UBE4B: variants seen among roughly 807,000 people sequenced by gnomAD.
UBE4B encodes ubiquitin conjugation factor E4 B.
A neutral mutation model predicts 148.1 loss-of-function variants in UBE4B; 27 were observed. The observed-to-expected ratio is 0.18, with a 90% CI of 0.13 to 0.25. The LOEUF (loss-of-function observed/expected upper bound fraction) is 0.25. Ranked by LOEUF, UBE4B falls within the 10% of genes least tolerant of loss-of-function variation. UBE4B has a pLI of 1.00. For missense variants in UBE4B, 1,170 were observed against 1,662.4 expected (o/e 0.70, Z 5.15); for synonymous variants, 596 against 619.3 (o/e 0.96, Z 0.56).
At chr1:10,143,704 C>G (rs1250630733) in intron 17 of UBE4B, among the ~76,000 whole-genome samples, 1 of 152,126 alleles carries the variant, frequency 6.6e-6, no homozygotes, top group Non-Finnish European at 1.5e-5. Context: ...CAGTTGTAGA[C>G]GAAAGAATCC....
chr1:10,074,715 T>A (rs936841068), intron 2 of UBE4B, among the ~76,000 whole-genome samples: 3 of 152,232 alleles, frequency 2.0e-5, no homozygotes, highest in Admixed American at 1.3e-4. Flanking sequence ...CTGTATCTGT[T>A]CCTTCTTCAC....
Position 10,105,506 on chromosome 1 carries a change from T to G in UBE4B, c.581-10T>G. The G allele has an allele frequency of 6.2e-7, 1 of 1,613,726 alleles. No individual in the cohort carries two copies. Among genetic ancestry groups the G allele is most frequent in the Non-Finnish European group, 8.5e-7 (1 of 1,179,590 alleles). ...TGTGTAACCTGTTCTTTGTTCTGCC[T>G]TTCCAACAGTATTCTCCGATTTTAA... is the stretch of plus-strand genomic sequence containing the variant. On this transcript the variant is annotated splice_polypyrimidine_tract_variant and intron_variant, in intron 5 of 27. Transcript: ENST00000343090.
chr1:10,086,472 G>GT (rs1345336434), intron 2 of UBE4B, among the ~76,000 whole-genome samples: 5 of 152,118 alleles, frequency 3.3e-5, no homozygotes, highest in African/African-American at 1.2e-4. Context: ...GATAAATGAG[G>GT]TATGGGGGGA....
chr1:10,090,272 A>G (rs1489322697), intron 2 of UBE4B, among the ~76,000 whole-genome samples: 5 of 151,996 alleles, frequency 3.3e-5, no homozygotes, highest in Non-Finnish European at 7.4e-5. Flanking sequence ...GGCGCATACC[A>G]TCACGCTTGG....
intron 10 of UBE4B, 83 bp from the exon 11 acceptor site, chr1:10,126,711 C>A: frequency 8.5e-7 from 1 of 1,180,996 alleles, no homozygotes. Flanking sequence ...TTTGGACATT[C>A]AGTTCTAGCA....
rs373493148 is a variant in UBE4B at position 10,106,596 on chromosome 1, C to T, written c.1196+13C>T. 1.4e-4 allele frequency: 211 copies of T among 1,523,070 alleles called. No homozygotes were observed. Among genetic ancestry groups the T allele is most frequent in the Admixed American group, 4.7e-4 (22 of 46,628 alleles). 94.3% of individuals were successfully genotyped at this position (1,523,070 alleles called of 1,614,324 possible). A position where few individuals can be genotyped will look rare whatever the true frequency, so the allele number is the denominator to read the frequency against. Reference sequence around the variant, plus strand: ...GGATCTCTCCTAGGTATTTATCCCACAGGAGAGTTGCATGTGTGTTTGCGG... The same window carrying T: ...GGATCTCTCCTAGGTATTTATCCCATAGGAGAGTTGCATGTGTGTTTGCGG... On this transcript the variant is annotated intron_variant, in intron 7 of 27. Transcript: ENST00000343090. This position sits in a 1 kb window ranked among gnomAD's most constrained non-coding sequence, Gnocchi z 4.2.
At chr1:10,103,971 AG>A (rs1175712135) in intron 5 of UBE4B, among the ~76,000 whole-genome samples, 1 of 152,008 alleles carries the variant, frequency 6.6e-6, no homozygotes, top group African/African-American at 2.4e-5. Flanking sequence ...CATGTTGGCC[AG>A]GATGGTCTCG....
chr1:10,092,338 C>A (rs1644860529), intron 2 of UBE4B, among the ~76,000 whole-genome samples: 1 of 152,098 alleles, frequency 6.6e-6, no homozygotes, highest in Admixed American at 6.5e-5. Context: ...GATTCTTCTG[C>A]CTCAGATTCC....
At chr1:10,085,587 G>A (rs1460543577) in intron 2 of UBE4B, among the ~76,000 whole-genome samples, 1 of 152,148 alleles carries the variant, frequency 6.6e-6, no homozygotes, top group African/African-American at 2.4e-5. Context: ...TGTAAACTAT[G>A]CAGCATGGTT....
intron 16 of UBE4B, among the ~76,000 whole-genome samples, chr1:10,136,208 C>T (rs116075454): frequency 2.3e-3 from 348 of 152,154 alleles, no homozygotes; most frequent in African/African-American, 8.3e-3. Flanking sequence ...AATGGTGGCT[C>T]ACATCCATAA....
chr1:10,039,212 T>C (rs994851390), intron 1 of UBE4B, among the ~76,000 whole-genome samples: 2 of 151,980 alleles, frequency 1.3e-5, no homozygotes, highest in African/African-American at 4.8e-5. Flanking sequence ...TTAAGAAACA[T>C]GAGAAGGGAC....
In UBE4B at chr1:10,179,537, G is replaced by A. The variant is rs777431875; in HGVS notation, c.3822G>A (p.Thr1274=). 153 of 1,613,500 alleles carry A rather than the reference G, an allele frequency of 9.5e-5. No individual in the cohort carries two copies. Among genetic ancestry groups the A allele is most frequent in the Non-Finnish European group, 2.0e-5 (24 of 1,180,038 alleles). ...NSPTDPFNRQ[T]LTESMLEPVP... ...CCACGGACCCCTTCAACCGGCAGACGCTGACAGAGAGCATGCTGGAACCAG... is the reference window on the plus strand; with the variant it reads ...CCACGGACCCCTTCAACCGGCAGACACTGACAGAGAGCATGCTGGAACCAG... The change falls in exon 27 of 28, where the codon ACG becomes ACA. Residue 1274 remains threonine, a synonymous_variant. Coordinates refer to ENST00000343090, the MANE Select transcript of UBE4B (RefSeq NM_001105562.3).
At chr1:10,088,957 G>C (rs1644804228) in intron 2 of UBE4B, among the ~76,000 whole-genome samples, 1 of 152,164 alleles carries the variant, frequency 6.6e-6, no homozygotes, top group African/African-American at 2.4e-5. Context: ...GGGATTACAG[G>C]CGTGAGCCAC....
rs746513099 is a variant in UBE4B, at chr1:10,179,541, A to G, written c.3826A>G (p.Thr1276Ala). The G allele has an allele frequency of 2.5e-6, 4 of 1,613,638 alleles. No homozygotes were observed. The highest frequency in any genetic ancestry group is 8.5e-7 in the Non-Finnish European group (1 of 1,180,014). Residue 1276 changes from threonine to alanine, a missense_variant, in exon 27 of 28, where the codon ACA becomes GCA. By Grantham distance (58) the Thr-to-Ala change is moderately conservative. This residue lies in a region of UBE4B where 348 missense variants were observed against 627.2 expected (regional missense o/e 0.55). Coordinates refer to ENST00000343090, the MANE Select transcript of UBE4B (RefSeq NM_001105562.3). Reference protein sequence around the residue: ...PTDPFNRQTLTESMLEPVPEL... With the variant: ...PTDPFNRQTLAESMLEPVPEL... Reference sequence around the variant, plus strand: ...GGACCCCTTCAACCGGCAGACGCTGACAGAGAGCATGCTGGAACCAGGTAG... The same window carrying G: ...GGACCCCTTCAACCGGCAGACGCTGGCAGAGAGCATGCTGGAACCAGGTAG...
chr1:10,103,589 C>T (rs1394837409), intron 5 of UBE4B, among the ~76,000 whole-genome samples: 2 of 149,494 alleles, frequency 1.3e-5, no homozygotes, highest in East Asian at 1.9e-4. Flanking sequence ...TGCACCACCA[C>T]GCCCAGCTAA....
At chr1:10,144,108 A>G (rs967728456) in intron 17 of UBE4B, among the ~76,000 whole-genome samples, 6 of 152,172 alleles carry the variant, frequency 3.9e-5, no homozygotes, top group Non-Finnish European at 7.3e-5. Flanking sequence ...TATGCAGCCT[A>G]TTAGGTGATG....
At chr1:10,126,939 A>G (rs1037224146) in intron 11 of UBE4B, 62 bp downstream of exon 11, 4 of 1,424,212 alleles carry the variant, frequency 2.8e-6, no homozygotes, top group African/African-American at 2.9e-5. Context: ...GATTATTTTG[A>G]CATATACTTT....
intron 2 of UBE4B, among the ~76,000 whole-genome samples, chr1:10,081,078 T>C (rs1248862480): frequency 6.6e-6 from 1 of 152,234 alleles, no homozygotes; most frequent in Non-Finnish European, 1.5e-5. Flanking sequence ...ATTATTATTA[T>C]TGAGACGAAG....
Position 10,095,469 on chromosome 1 carries a change from C to A in UBE4B, c.220C>A (p.His74Asn). 1 of 1,614,006 alleles carries A rather than the reference C, an allele frequency of 6.2e-7. No homozygotes were observed. The highest frequency in any genetic ancestry group is 8.5e-7 in the Non-Finnish European group (1 of 1,180,010). Residue 74 changes from histidine to asparagine, a missense_variant, in exon 3 of 28, where the codon CAT becomes AAT. By Grantham distance (68) the His-to-Asn change is moderately conservative. Around this residue, in one of 6 missense-constraint regions of UBE4B, gnomAD observed 127 missense variants for 153.2 expected, o/e 0.83. Transcript: ENST00000343090. ...CTGTGTTTTCTGTTTAGGAGTAGCC[C>A]ATCGAAGCCAGAGCAGTGAAGGAGT... ...TSPIGASGVA[H>N]RSQSSEGVSS...
Sources: allele counts gnomAD v4.1 joint callset (sites outside exome capture counted in the v4.1 genomes callset), GRCh38; gene constraint gnomAD v4.1.1; regional missense constraint gnomAD v4.1.1; non-coding constraint Gnocchi (gnomAD v3.1); transcripts MANE v1.5; gene names NCBI Gene and HGNC (gene_info 2026-07-23, HGNC 2026-07-21).